The following KCNIP4 variants were observed in gnomAD, a reference collection of about 807,000 sequenced individuals.
The protein encoded by KCNIP4 is Kv channel-interacting protein 4.
Under a neutral mutation model 34.0 loss-of-function variants are expected in KCNIP4, and 12 were observed. The ratio of observed to expected loss-of-function variants is 0.35; its 90% CI spans 0.23 to 0.57. The LOEUF is 0.57. Ranked by LOEUF, KCNIP4 falls within the 20% of genes least tolerant of loss-of-function variation. KCNIP4 has a pLI of 0.83. For missense variants in KCNIP4, 238 were observed against 311.7 expected, an observed-to-expected ratio of 0.76 and a Z score of 1.78; for synonymous variants, 124 against 102.2, an observed-to-expected ratio of 1.21 and a Z score of -1.29.
intron 1 of KCNIP4, among the ~76,000 whole-genome samples, chr4:21,769,828 T>G (rs1718659088): frequency 6.6e-6 from 1 of 152,088 alleles, no homozygotes; most frequent in African/African-American, 2.4e-5. Context: ...TGTTCGTCAA[T>G]AAAAAGCAAA....
At chr4:21,507,170 A>T (rs1174417158) in intron 1 of KCNIP4, among the ~76,000 whole-genome samples, 1 of 151,996 alleles carries the variant, frequency 6.6e-6, no homozygotes, top group East Asian at 1.9e-4. Flanking sequence ...CAATCAATAT[A>T]AAAACTATTG....
At chr4:21,632,950 T>C (rs866074322) in intron 1 of KCNIP4, among the ~76,000 whole-genome samples, 5 of 152,222 alleles carry the variant, frequency 3.3e-5, no homozygotes, top group Non-Finnish European at 7.3e-5. Context: ...AATCTTATAC[T>C]GAGGTTATAT....
chr4:21,421,113 A>G (rs951549356), intron 1 of KCNIP4, among the ~76,000 whole-genome samples: 2 of 152,212 alleles, frequency 1.3e-5, no homozygotes, highest in Non-Finnish European at 2.9e-5. Context: ...TAAAATGGCT[A>G]TTATCAAAAA....
chr4:21,000,427 G>A (rs541009273), intron 1 of KCNIP4, among the ~76,000 whole-genome samples: 141 of 152,162 alleles, frequency 9.3e-4, no homozygotes, highest in East Asian at 4.1e-3. Context: ...GCTCACGCCT[G>A]TAATCCCAAC....
intron 1 of KCNIP4, among the ~76,000 whole-genome samples, chr4:21,643,049 T>C (rs1231467585): frequency 6.6e-6 from 1 of 152,176 alleles, no homozygotes; most frequent in South Asian, 2.1e-4. Context: ...AAAGAGAATA[T>C]GTAAATGGTA....
chr4:21,603,521 T>C (rs1158161), intron 1 of KCNIP4, among the ~76,000 whole-genome samples: 129,868 of 151,978 alleles, frequency 0.85, 55,634 homozygotes, highest in East Asian at 0.99. Flanking sequence ...TATTACATTT[T>C]ATTAACTAAG....
chr4:21,940,652 G>C (rs1730153090), intron 1 of KCNIP4, among the ~76,000 whole-genome samples: 1 of 151,958 alleles, frequency 6.6e-6, no homozygotes, highest in African/African-American at 2.4e-5. Flanking sequence ...GCTACAAGTA[G>C]ATATCATTAC....
At chr4:20,793,504 C>A (rs1713046942) in intron 3 of KCNIP4, among the ~76,000 whole-genome samples, 1 of 152,014 alleles carries the variant, frequency 6.6e-6, no homozygotes, top group Admixed American at 6.6e-5. Context: ...TGGGTATATT[C>A]ATATGTAAAA....
intron 1 of KCNIP4, among the ~76,000 whole-genome samples, chr4:21,200,363 TATACATAC>T (rs1430794560): frequency 9.9e-6 from 1 of 100,610 alleles, no homozygotes; most frequent in Non-Finnish European, 1.8e-5. Flanking sequence ...TGTATATATA[TATACATAC>T]ATATATGTGT....
intron 1 of KCNIP4, among the ~76,000 whole-genome samples, chr4:20,986,488 T>TA (rs969033078): frequency 9.2e-5 from 14 of 151,538 alleles, no homozygotes; most frequent in African/African-American, 3.2e-4. Flanking sequence ...AGTCAAAAGT[T>TA]AAAAAAAAAT....
intron 1 of KCNIP4, among the ~76,000 whole-genome samples, chr4:21,739,455 A>C (rs1017434038): frequency 2.0e-5 from 3 of 151,978 alleles, no homozygotes; most frequent in Admixed American, 2.0e-4. Context: ...AGATGGTTCT[A>C]TCTCTTTTTT....
chr4:21,063,924 C>T (rs948690794), intron 1 of KCNIP4, among the ~76,000 whole-genome samples: 6 of 151,978 alleles, frequency 3.9e-5, no homozygotes, highest in South Asian at 2.1e-4. Context: ...TACTTGCATC[C>T]GAGTGTCCAT....
At chr4:21,861,060 G>A (rs1725046979) in intron 1 of KCNIP4, among the ~76,000 whole-genome samples, 1 of 152,150 alleles carries the variant, frequency 6.6e-6, no homozygotes, top group African/African-American at 2.4e-5. Flanking sequence ...GATGTACATA[G>A]ATATTAAAGA....
intron 1 of KCNIP4, among the ~76,000 whole-genome samples, chr4:21,916,810 A>C (rs980459701): frequency 6.6e-6 from 1 of 152,166 alleles, no homozygotes; most frequent in African/African-American, 2.4e-5. Context: ...GGGGCCAATC[A>C]AGAGTTAGGA....
At chr4:21,796,971 A>C (rs942250519) in intron 1 of KCNIP4, among the ~76,000 whole-genome samples, 1 of 152,166 alleles carries the variant, frequency 6.6e-6, no homozygotes, top group Non-Finnish European at 1.5e-5. Context: ...AAGCTTGGAC[A>C]TATTCTGAGC....
In KCNIP4 at chr4:21,348,815, T is replaced by C. The variant is rs1404935755; in HGVS notation, c.62-466106A>G. 5.3e-5 allele frequency among the ~76,000 whole-genome samples: 8 copies of C among 152,144 alleles called. No homozygotes were observed. The South Asian group carries it at 6.2e-4, about 12-fold the overall frequency. On this transcript the variant is annotated intron_variant, in intron 1 of 8. Coordinates refer to ENST00000382152, the MANE Select transcript of KCNIP4 (RefSeq NM_025221.6). ...TGGCCTATGCTAGGAGCCAAAATAA[T>C]TGGTGCAGAAAATGAGTGCCATGAG...
Position 21,017,888 on chromosome 4 carries a change from C to G in KCNIP4, c.62-135179G>C, listed in dbSNP as rs1577542679. On this transcript the variant is annotated intron_variant, in intron 1 of 8. Transcript: ENST00000382152. ...GACTTTTTAATAATCGCCACTCTGACTGGCATGAGATGGTATCTCATTGTG... is the reference window on the plus strand; with the variant it reads ...GACTTTTTAATAATCGCCACTCTGAGTGGCATGAGATGGTATCTCATTGTG... Among the ~76,000 whole-genome samples, 3 of 152,270 alleles carry G rather than the reference C, an allele frequency of 2.0e-5. No homozygotes were observed. In the East Asian group the frequency reaches 5.8e-4, roughly 29 times the overall value.
chr4:21,556,930 A>AAAAAAAAAAAACAAAAAAAAAC (rs1739097511), intron 1 of KCNIP4, among the ~76,000 whole-genome samples: 1 of 108,194 alleles, frequency 9.2e-6, no homozygotes, highest in African/African-American at 3.2e-5. Context: ...CAGAAAAAAA[A>AAAAAAAAAAAACAAAAAAAAAC]AAAAAAAAAA....
intron 1 of KCNIP4, among the ~76,000 whole-genome samples, chr4:20,910,633 T>C (rs1728237517): frequency 6.6e-6 from 1 of 152,216 alleles, no homozygotes; most frequent in South Asian, 2.1e-4. Flanking sequence ...CCTGGTCCTT[T>C]TGTCCAGGAG....
Sources: allele counts gnomAD v4.1 joint callset (sites outside exome capture counted in the v4.1 genomes callset), GRCh38; gene constraint gnomAD v4.1.1; transcripts MANE v1.5; gene names NCBI Gene and HGNC (gene_info 2026-07-23, HGNC 2026-07-21).